Variants in EDIL3 observed in about 807,000 individuals in gnomAD.
EDIL3 encodes the protein EGF like and discoidin domains 3.
EDIL3 carries 37 observed loss-of-function variants against 67.4 expected under a neutral mutation model. That is an observed-to-expected ratio of 0.55 (90% confidence interval 0.42 to 0.72). The LOEUF (loss-of-function observed/expected upper bound fraction) is 0.72. Ranked by LOEUF, EDIL3 falls within the 30% of genes least tolerant of loss-of-function variation. The pLI, the probability that EDIL3 is intolerant of heterozygous loss-of-function variation, is 0.00. For synonymous variants in EDIL3, 195 were observed against 196.3 expected (o/e 0.99, Z 0.05); for missense variants, 527 against 586.3 (o/e 0.90, Z 1.04).
chr5:84,039,505 T>C (rs4551045), intron 9 of EDIL3, among the ~76,000 whole-genome samples: 55,186 of 152,040 alleles, frequency 0.36, 11,083 homozygotes, highest in African/African-American at 0.55. Flanking sequence ...TCAGTATCTA[T>C]TCACCAGGAA....
chr5:84,117,015 T>C (rs868222700), intron 5 of EDIL3, among the ~76,000 whole-genome samples: 6 of 136,994 alleles, frequency 4.4e-5, no homozygotes, highest in Non-Finnish European at 7.7e-5. Context: ...CCAAGTTAAG[T>C]ACTTATTTTT....
At chr5:84,081,536 G>A (rs1264335236) in intron 6 of EDIL3, among the ~76,000 whole-genome samples, 1 of 151,938 alleles carries the variant, frequency 6.6e-6, no homozygotes, top group African/African-American at 2.4e-5. Context: ...AGAAGCCAGA[G>A]TGTTACCAAA....
At chr5:84,097,707 T>C (rs199504173) in intron 6 of EDIL3, among the ~76,000 whole-genome samples, 3 of 152,166 alleles carry the variant, frequency 2.0e-5, no homozygotes, top group South Asian at 2.1e-4. Flanking sequence ...GGAAATTCAA[T>C]GTATATGTAT....
intron 5 of EDIL3, among the ~76,000 whole-genome samples, chr5:84,110,623 G>GA (rs971544149): frequency 1.3e-5 from 2 of 152,014 alleles, no homozygotes; most frequent in Admixed American, 6.6e-5. Flanking sequence ...AATACTTCAA[G>GA]AAAAAAATGT....
At chr5:84,227,912 G>A (rs1335490246) in intron 3 of EDIL3, among the ~76,000 whole-genome samples, 1 of 152,046 alleles carries the variant, frequency 6.6e-6, no homozygotes, top group Non-Finnish European at 1.5e-5. Flanking sequence ...AAACACTGCA[G>A]ACTACTAGAG....
chr5:84,342,905 C>T (rs969029084), intron 1 of EDIL3, among the ~76,000 whole-genome samples: 5 of 152,012 alleles, frequency 3.3e-5, no homozygotes, highest in South Asian at 2.1e-4. Flanking sequence ...TTTGCCAGAA[C>T]CTTATTACTC....
chr5:84,381,431 T>A (rs1297412742), intron 1 of EDIL3, among the ~76,000 whole-genome samples: 1 of 152,162 alleles, frequency 6.6e-6, no homozygotes, highest in Non-Finnish European at 1.5e-5. Flanking sequence ...TCAGGTAAAT[T>A]AGGCAACGAA....
At chr5:84,348,739 C>T (rs1747289979) in intron 1 of EDIL3, among the ~76,000 whole-genome samples, 1 of 152,106 alleles carries the variant, frequency 6.6e-6, no homozygotes, top group Non-Finnish European at 1.5e-5. Context: ...CCAGAGAATT[C>T]ACCAACACAC....
At chr5:84,104,330 G>T (rs1346477051) in intron 6 of EDIL3, among the ~76,000 whole-genome samples, 1 of 150,838 alleles carries the variant, frequency 6.6e-6, no homozygotes, top group Non-Finnish European at 1.5e-5. Flanking sequence ...AAAACCCCAT[G>T]ACATGAAGTA....
intron 3 of EDIL3, among the ~76,000 whole-genome samples, chr5:84,201,301 T>C (rs1278057195): frequency 6.6e-6 from 1 of 152,104 alleles, no homozygotes; most frequent in Non-Finnish European, 1.5e-5. Context: ...TCCTTATCTA[T>C]GAATGTTTTC....
chr5:84,007,491 C>T (rs966502078), intron 9 of EDIL3, among the ~76,000 whole-genome samples: 3 of 152,116 alleles, frequency 2.0e-5, no homozygotes, highest in Non-Finnish European at 4.4e-5. Flanking sequence ...CAAAAGAAGA[C>T]ATACAAATGG....
At chr5:84,061,126 G>A (rs961823586) in intron 8 of EDIL3, among the ~76,000 whole-genome samples, 8 of 152,042 alleles carry the variant, frequency 5.3e-5, no homozygotes, top group Non-Finnish European at 1.2e-4. Context: ...TAAACTAATA[G>A]ATAACAGAAG....
At chr5:84,335,045 C>T (rs755411784) in intron 1 of EDIL3, among the ~76,000 whole-genome samples, 4 of 152,016 alleles carry the variant, frequency 2.6e-5, no homozygotes, top group East Asian at 1.9e-4. Flanking sequence ...TTTCACTAAA[C>T]GCTTTACATA....
intron 9 of EDIL3, among the ~76,000 whole-genome samples, chr5:84,005,995 T>C (rs2112174602): frequency 6.6e-6 from 1 of 151,950 alleles, no homozygotes; most frequent in African/African-American, 2.4e-5. Context: ...AAAATCAATG[T>C]ACAAATATCA....
intron 9 of EDIL3, among the ~76,000 whole-genome samples, chr5:83,966,199 G>C (rs1744687969): frequency 6.6e-6 from 1 of 152,076 alleles, no homozygotes; most frequent in Non-Finnish European, 1.5e-5. Context: ...AAATAGGGCA[G>C]ACTATTTAGG....
chr5:84,028,851 A>G (rs899701216), intron 9 of EDIL3, among the ~76,000 whole-genome samples: 4 of 152,076 alleles, frequency 2.6e-5, no homozygotes, highest in Non-Finnish European at 5.9e-5. Context: ...GTCCCCACCC[A>G]AATTTCATCT....
intron 1 of EDIL3, among the ~76,000 whole-genome samples, chr5:84,366,794 C>T (rs1429196091): frequency 6.6e-6 from 1 of 152,146 alleles, no homozygotes; most frequent in East Asian, 1.9e-4. Flanking sequence ...GAACAGAAAA[C>T]TCATGCAGTA....
chr5:84,155,074 G>C (rs1288538908), intron 4 of EDIL3, among the ~76,000 whole-genome samples: 5 of 152,020 alleles, frequency 3.3e-5, no homozygotes, highest in Admixed American at 6.6e-5. Flanking sequence ...TCTTCTCCTT[G>C]CTCACCTGGG....
At chr5:84,035,776 G>A (rs1746012199) in intron 9 of EDIL3, among the ~76,000 whole-genome samples, 1 of 151,976 alleles carries the variant, frequency 6.6e-6, no homozygotes, top group Non-Finnish European at 1.5e-5. Context: ...TCATATTTTA[G>A]GTTTCTGCTC....
Sources: gnomAD v4.1 joint callset for allele counts (sites outside exome capture counted in the v4.1 genomes callset) on GRCh38, gnomAD v4.1.1 for gene constraint, MANE v1.5 for transcripts, NCBI Gene and HGNC (gene_info 2026-07-23, HGNC 2026-07-21) for gene names.